Variants in DCN observed in about 807,000 individuals in gnomAD.
DCN encodes bone proteoglycan II.
In DCN, 17 loss-of-function variants were observed where a neutral mutation model predicts 36.5. That is an observed-to-expected ratio of 0.47 (90% CI 0.32 to 0.70). The LOEUF (loss-of-function observed/expected upper bound fraction) is 0.70. Ranked by LOEUF, DCN falls within the 30% of genes least tolerant of loss-of-function variation. The pLI is 0.04. For synonymous variants in DCN, 163 were observed against 161.4 expected (o/e 1.01, Z -0.07); for missense variants, 389 against 430.1 (o/e 0.90, Z 0.84).
intron 7 of DCN, chr12:91,151,248 T>A (rs1796454352): frequency 1.4e-5 from 3 of 213,078 alleles, no homozygotes; most frequent in Admixed American, 5.3e-5. Flanking sequence ...TCAAAAAGAA[T>A]CAGGAGCTAG....
chr12:91,154,776 C>T (rs1028447902), intron 5 of DCN, among the ~76,000 whole-genome samples: 1 of 151,960 alleles, frequency 6.6e-6, no homozygotes, highest in Non-Finnish European at 1.5e-5. Flanking sequence ...CAAGTACTTG[C>T]GTGTACAATA....
At chr12:91,176,733 C>T (rs1268962705) in intron 2 of DCN, 26 of 152,226 alleles carry the variant, frequency 1.7e-4, no homozygotes, top group Middle Eastern at 3.4e-3. Flanking sequence ...ATACATGTAG[C>T]GAGAGTAATA....
intron 6 of DCN, among the ~76,000 whole-genome samples, chr12:91,152,860 C>G (rs1271212412): frequency 6.6e-6 from 1 of 151,780 alleles, no homozygotes; most frequent in Non-Finnish European, 1.5e-5. Context: ...AATCTATAAA[C>G]AGTATAGTAT....
chr12:91,163,437 A>C lies in DCN; in HGVS notation c.324+1168T>G, dbSNP rs371068403. ...CAACCACACAAGACACAGGCAGGAA[A>C]TTAAGAGGTGGAACTACCCAGCTCT... On this transcript the variant is annotated intron_variant, in intron 3 of 7. Transcript: ENST00000052754. 2.0e-4 allele frequency among the ~76,000 whole-genome samples: 30 copies of C among 152,282 alleles called. 1 individual carries two copies. The highest frequency in any genetic ancestry group is 7.0e-4 in the African/African-American group (29 of 41,548).
intron 2 of DCN, among the ~76,000 whole-genome samples, chr12:91,169,397 A>AC (rs1377817692): frequency 4.0e-5 from 6 of 151,148 alleles, no homozygotes; most frequent in South Asian, 2.1e-4. Context: ...AAAAAAAAAA[A>AC]AAAACCAAAA....
Position 91,178,599 on chromosome 12 carries a change from G to T in DCN, c.-33-14C>A, listed in dbSNP as rs1883444487. 6.5e-7 allele frequency: 1 copy of T among 1,537,996 alleles called. No homozygotes were observed. Among genetic ancestry groups the T allele is most frequent in the Admixed American group, 1.7e-5 (1 of 59,696 alleles). On this transcript the variant is annotated splice_polypyrimidine_tract_variant and intron_variant, in intron 1 of 7. Transcript: ENST00000052754. ...CAACCAGGGAACCTAGGAAACAAAT[G>T]AGAGATTTAAGAAGAGTAGCACTGC...
chr12:91,170,651 T>G (rs1882901922), intron 2 of DCN, among the ~76,000 whole-genome samples: 1 of 152,188 alleles, frequency 6.6e-6, no homozygotes, highest in African/African-American at 2.4e-5. Flanking sequence ...AATATTACTC[T>G]TTGTTTGTAC....
rs574412173 is a variant in DCN, at chr12:91,146,397, C to A, written c.886-145G>T. On this transcript the variant is annotated intron_variant, in intron 7 of 7. Coordinates refer to ENST00000052754, the MANE Select transcript of DCN (RefSeq NM_001920.5). ...TTTGAGATGGAATCTTGCTTTGTCA[C>A]CCAGGCTGGAGTGCAGTGGCATGAC... The A allele has an allele frequency of 4.7e-4, 269 of 573,156 alleles. No homozygotes were observed. In the African/African-American group the frequency reaches 5.2e-3, roughly 11 times the overall value. The allele number at this position is 573,156 out of a possible 1,614,324, so 35.5% of individuals were successfully genotyped here. A position where few individuals can be genotyped will look rare whatever the true frequency, so the allele number is the denominator to read the frequency against.
intron 5 of DCN, among the ~76,000 whole-genome samples, chr12:91,154,240 A>G (rs1211815582): frequency 6.6e-6 from 1 of 152,112 alleles, no homozygotes; most frequent in Non-Finnish European, 1.5e-5. Context: ...TTCCTATGGT[A>G]GCATATTTTG....
rs1880830444 is a variant in DCN at position 91,143,590 on chromosome 12, T to C, written c.*2468A>G. ...TTGAGCCCTTTCCATTTACTCTACT[T>C]TGATCTATAAGTTATATTCTACACT... On this transcript the variant is annotated 3_prime_UTR_variant, in exon 8 of 8. Coordinates refer to ENST00000052754, the MANE Select transcript of DCN (RefSeq NM_001920.5). 2 of 152,026 alleles carry C rather than the reference T, an allele frequency of 1.3e-5. No individual in the cohort carries two copies. The highest frequency in any genetic ancestry group is 4.1e-4 in the South Asian group (2 of 4,820). The allele number at this position is 152,026 out of a possible 1,614,324, so 9.4% of individuals were successfully genotyped here. A position where few individuals can be genotyped will look rare whatever the true frequency, so the allele number is the denominator to read the frequency against.
rs894058387 is a variant in DCN at position 91,142,764 on chromosome 12, G to T, written c.*3294C>A. Reference sequence around the variant, plus strand: ...ACAGAGGCCTTTCCAACCAGGAGGGGTCAGAGACAAATTTTTAAGTTTCCA... The same window carrying T: ...ACAGAGGCCTTTCCAACCAGGAGGGTTCAGAGACAAATTTTTAAGTTTCCA... On this transcript the variant is annotated 3_prime_UTR_variant, in exon 8 of 8. Transcript: ENST00000052754. The T allele has an allele frequency of 6.6e-6, 1 of 152,140 alleles. No homozygotes were observed. The highest frequency in any genetic ancestry group is 2.4e-5 in the African/African-American group (1 of 41,432). The allele number at this position is 152,140 out of a possible 1,614,324, so 9.4% of individuals were successfully genotyped here.
Position 91,145,298 on chromosome 12 carries a change from T to C in DCN, c.*760A>G, listed in dbSNP as rs992852156. 3.3e-5 allele frequency: 5 copies of C among 152,238 alleles called. No homozygotes were observed. Among genetic ancestry groups the C allele is most frequent in the African/African-American group, 1.2e-4 (5 of 41,454 alleles). The allele number at this position is 152,238 out of a possible 1,614,324, so 9.4% of individuals were successfully genotyped here. A position where few individuals can be genotyped will look rare whatever the true frequency, so the allele number is the denominator to read the frequency against. On this transcript the variant is annotated 3_prime_UTR_variant, in exon 8 of 8. Coordinates refer to ENST00000052754, the MANE Select transcript of DCN (RefSeq NM_001920.5). ...AATATTTATTTAGCAGAGGGGTAAA[T>C]TGAAACATCAGTTCTCTAGACCAGT...
chr12:91,146,829 T>C (rs991588272), intron 7 of DCN, among the ~76,000 whole-genome samples: 2 of 152,194 alleles, frequency 1.3e-5, no homozygotes, highest in Non-Finnish European at 2.9e-5. Context: ...AATTCTCTTA[T>C]GCTCTCTACA....
At chr12:91,147,476 C>T (rs1881102366) in intron 7 of DCN, among the ~76,000 whole-genome samples, 1 of 152,170 alleles carries the variant, frequency 6.6e-6, no homozygotes, top group Non-Finnish European at 1.5e-5. Flanking sequence ...GTAAAAGCTC[C>T]ATGAGACAAG....
At position 91,142,287 on chromosome 12, in the gene DCN, G is replaced by A. The variant is rs552771602; in HGVS notation, c.*3771C>T. 1.3e-5 allele frequency: 2 copies of A among 152,344 alleles called. No individual in the cohort carries two copies. Among genetic ancestry groups the A allele is most frequent in the East Asian group, 3.9e-4 (2 of 5,178 alleles). The allele number at this position is 152,344 out of a possible 1,614,324, so 9.4% of individuals were successfully genotyped here. On this transcript the variant is annotated 3_prime_UTR_variant, in exon 8 of 8. Coordinates refer to ENST00000052754, the MANE Select transcript of DCN (RefSeq NM_001920.5). ...GAAGTCTTGTGAAGAGTTGTTGTGT[G>A]TGTGAAGGGGCAGTCTTGGACTGGG...
intron 3 of DCN, among the ~76,000 whole-genome samples, chr12:91,164,119 A>T (rs892720518): frequency 2.0e-5 from 3 of 152,140 alleles, no homozygotes; most frequent in African/African-American, 7.2e-5. Flanking sequence ...CGCAAGAACA[A>T]AAAACCAAAC....
At chr12:91,162,969 T>C (rs1882256759) in intron 3 of DCN, among the ~76,000 whole-genome samples, 1 of 152,232 alleles carries the variant, frequency 6.6e-6, no homozygotes, top group Non-Finnish European at 1.5e-5. Flanking sequence ...CTAGATGTTC[T>C]TGAATGCCTT....
chr12:91,149,094 A>G (rs1412685344), intron 7 of DCN, among the ~76,000 whole-genome samples: 2 of 152,164 alleles, frequency 1.3e-5, no homozygotes, highest in African/African-American at 4.8e-5. Context: ...AACTCATTCT[A>G]TGGGGTCAAT....
intron 1 of DCN, 71 bp downstream of exon 1, chr12:91,182,584 C>G (rs900311610): frequency 6.6e-6 from 1 of 151,700 alleles, no homozygotes; most frequent in Non-Finnish European, 1.5e-5. Flanking sequence ...CAAATAATCC[C>G]TTTTGCTCGC....
Sources: gnomAD v4.1 joint callset for allele counts (sites outside exome capture counted in the v4.1 genomes callset) on GRCh38, gnomAD v4.1.1 for gene constraint, MANE v1.5 for transcripts, NCBI Gene and HGNC (gene_info 2026-07-23, HGNC 2026-07-21) for gene names.